Variants in PDIA5 observed in about 807,000 individuals in gnomAD.
PDIA5 encodes protein disulfide isomerase family A member 5.
Under a neutral mutation model 77.6 loss-of-function variants are expected in PDIA5, and 58 were observed. The ratio of observed to expected loss-of-function variants is 0.75; its 90% CI spans 0.61 to 0.93. PDIA5 has a LOEUF of 0.93. Ranked by LOEUF, PDIA5 falls within the 40% of genes least tolerant of loss-of-function variation. PDIA5 has a pLI of 0.00. For synonymous variants in PDIA5, 250 were observed against 252.1 expected (o/e 0.99, Z 0.08); for missense variants, 630 against 647.7 (o/e 0.97, Z 0.30).
chr3:123,153,305 G>C (rs1935954119), intron 14 of PDIA5, among the ~76,000 whole-genome samples: 1 of 152,154 alleles, frequency 6.6e-6, no homozygotes, highest in South Asian at 2.1e-4. Context: ...TGCTATTATG[G>C]GCATAGGCCA....
At chr3:123,067,327 G>C in intron 1 of PDIA5, 121 bp downstream of exon 1, 1 of 854,600 alleles carries the variant, frequency 1.2e-6, no homozygotes, top group African/African-American at 1.7e-5. Context: ...ACCGGGATGA[G>C]GGCGTGCATG....
intron 6 of PDIA5, among the ~76,000 whole-genome samples, chr3:123,108,470 G>A (rs1934788083): frequency 6.6e-6 from 1 of 150,746 alleles, no homozygotes; most frequent in African/African-American, 2.4e-5. Flanking sequence ...AGTAGACATG[G>A]GTTTTCACCA....
intron 10 of PDIA5, among the ~76,000 whole-genome samples, chr3:123,124,710 A>T (rs1935201833): frequency 6.6e-6 from 1 of 152,174 alleles, no homozygotes; most frequent in Non-Finnish European, 1.5e-5. Context: ...CACATTTCAC[A>T]TCAAGTTTCT....
intron 11 of PDIA5, among the ~76,000 whole-genome samples, chr3:123,138,355 C>T (rs746594349): frequency 6.6e-6 from 1 of 151,828 alleles, no homozygotes; most frequent in Non-Finnish European, 1.5e-5. Flanking sequence ...TTTTTTTGTA[C>T]GTGCTTTTTG....
chr3:123,130,988 G>C (rs889086781), intron 11 of PDIA5, among the ~76,000 whole-genome samples: 4 of 152,174 alleles, frequency 2.6e-5, no homozygotes, highest in Non-Finnish European at 4.4e-5. Flanking sequence ...AATTAGGGCT[G>C]ATACCTCATA....
chr3:123,157,302 G>A (rs1936043352), intron 15 of PDIA5, among the ~76,000 whole-genome samples: 1 of 152,194 alleles, frequency 6.6e-6, no homozygotes, highest in East Asian at 1.9e-4. Context: ...TCCAGGCATG[G>A]CACTGTGACT....
chr3:123,121,243 C>T (rs967585067), intron 8 of PDIA5, among the ~76,000 whole-genome samples: 6 of 152,198 alleles, frequency 3.9e-5, no homozygotes, highest in Non-Finnish European at 5.9e-5. Context: ...TCTTACTCTC[C>T]TCTGAGTGCA....
intron 3 of PDIA5, among the ~76,000 whole-genome samples, chr3:123,093,766 G>A (rs1934358470): frequency 6.6e-6 from 1 of 152,212 alleles, no homozygotes; most frequent in Non-Finnish European, 1.5e-5. Context: ...TGCATGGAGG[G>A]AAAGCCCCTC....
intron 1 of PDIA5, among the ~76,000 whole-genome samples, chr3:123,085,303 G>A (rs1158417369): frequency 6.6e-6 from 1 of 152,176 alleles, no homozygotes; most frequent in Non-Finnish European, 1.5e-5. Context: ...GTGAGGGTAG[G>A]GAGGAGATGG....
chr3:123,122,594 C>T (rs1023814702), intron 8 of PDIA5, among the ~76,000 whole-genome samples: 1 of 152,180 alleles, frequency 6.6e-6, no homozygotes, highest in Admixed American at 6.5e-5. Context: ...ACCAGGAAGA[C>T]TTGGTAGGAA....
intron 14 of PDIA5, among the ~76,000 whole-genome samples, chr3:123,154,137 T>C (rs1379268091): frequency 1.3e-5 from 2 of 152,114 alleles, no homozygotes; most frequent in Non-Finnish European, 2.9e-5. Flanking sequence ...CCCACAGAGG[T>C]CCCTACCCTG....
At chr3:123,113,868 A>G (rs1489515534) in intron 7 of PDIA5, among the ~76,000 whole-genome samples, 1 of 152,216 alleles carries the variant, frequency 6.6e-6, no homozygotes, top group African/African-American at 2.4e-5. Flanking sequence ...AAGAAAATAA[A>G]AAGGCTGACT....
chr3:123,156,641 G>A (rs187289236), intron 15 of PDIA5, among the ~76,000 whole-genome samples: 174 of 152,312 alleles, frequency 1.1e-3, no homozygotes, highest in African/African-American at 4.1e-3. Flanking sequence ...AAAGGCTGAG[G>A]TGTGCCATCT....
intron 14 of PDIA5, among the ~76,000 whole-genome samples, chr3:123,154,303 C>G (rs1157896968): frequency 6.6e-6 from 1 of 152,168 alleles, no homozygotes; most frequent in African/African-American, 2.4e-5. Flanking sequence ...CTGAGGACTG[C>G]CTGGTGACTT....
Position 123,161,992 on chromosome 3 carries a change from CTG to C in PDIA5, c.*35_*36del, listed in dbSNP as rs1560571778. On this transcript the variant is annotated 3_prime_UTR_variant, in exon 17 of 17. Transcript: ENST00000316218. ...CCTCAGAAAAAGCTTTTCCATTACA[CTG>C]TGAATGATACCTGTTTTGTTGTTTC... 8.1e-7 allele frequency: 1 copy of C among 1,228,758 alleles called. No individual in the cohort carries two copies. The highest frequency in any genetic ancestry group is 1.2e-6 in the Non-Finnish European group (1 of 836,140). 76.1% of individuals were successfully genotyped at this position (1,228,758 alleles called of 1,614,324 possible). A position where few individuals can be genotyped will look rare whatever the true frequency, so the allele number is the denominator to read the frequency against.
chr3:123,101,368 A>G (rs1934588349), intron 3 of PDIA5, among the ~76,000 whole-genome samples: 1 of 152,162 alleles, frequency 6.6e-6, no homozygotes, highest in African/African-American at 2.4e-5. Context: ...ACACATTGAA[A>G]TCCATTGTTC....
intron 11 of PDIA5, among the ~76,000 whole-genome samples, chr3:123,131,843 G>C (rs183769727): frequency 1.3e-5 from 2 of 152,056 alleles, no homozygotes; most frequent in African/African-American, 4.8e-5. Flanking sequence ...GGCCGCGTGA[G>C]AGCCAGGGGA....
intron 10 of PDIA5, among the ~76,000 whole-genome samples, chr3:123,128,377 C>A (rs1221616247): frequency 6.6e-6 from 1 of 152,196 alleles, no homozygotes; most frequent in Non-Finnish European, 1.5e-5. Flanking sequence ...TCCTCCCGTT[C>A]TTTCCTTCCG....
intron 11 of PDIA5, 79 bp downstream of exon 11, chr3:123,130,695 A>G: frequency 2.0e-6 from 3 of 1,510,910 alleles, no homozygotes; most frequent in Non-Finnish European, 2.7e-6. Flanking sequence ...TGCAATGTGA[A>G]CCCAGGAAGC....
Sources: allele counts gnomAD v4.1 joint callset (sites outside exome capture counted in the v4.1 genomes callset), GRCh38; gene constraint gnomAD v4.1.1; transcripts MANE v1.5; gene names NCBI Gene and HGNC (gene_info 2026-07-23, HGNC 2026-07-21).